The following DOCK4 variants were observed in gnomAD, a reference collection of about 807,000 sequenced individuals.
DOCK4 encodes dedicator of cytokinesis protein 4.
DOCK4 carries 97 observed loss-of-function variants against 268.1 expected under a neutral mutation model. The ratio of observed to expected loss-of-function variants is 0.36; its 90% CI spans 0.31 to 0.43. DOCK4 has a LOEUF of 0.43. Ranked by LOEUF, DOCK4 falls within the 20% of genes least tolerant of loss-of-function variation. The probability of loss-of-function intolerance (pLI) is 1.00; values close to 1 mark genes in which losing one functional copy is unlikely to be tolerated. For synonymous variants in DOCK4, 954 were observed against 887.2 expected, an observed-to-expected ratio of 1.08 and a Z score of -1.34; for missense variants, 2,145 against 2,455.7, an observed-to-expected ratio of 0.87 and a Z score of 2.67.
At chr7:111,906,343 G>A (rs1289076682) in intron 13 of DOCK4, among the ~76,000 whole-genome samples, 8 of 152,128 alleles carry the variant, frequency 5.3e-5, no homozygotes, top group Non-Finnish European at 1.2e-4. Context: ...GAAGGAAGAG[G>A]TAGACAATAG....
chr7:112,102,501 G>C (rs1414020384), intron 1 of DOCK4, among the ~76,000 whole-genome samples: 1 of 152,194 alleles, frequency 6.6e-6, no homozygotes, highest in Admixed American at 6.5e-5. Flanking sequence ...ATAGTATTAT[G>C]AGGTGGGGCC....
intron 1 of DOCK4, among the ~76,000 whole-genome samples, chr7:112,142,890 A>G (rs1274181527): frequency 1.3e-5 from 2 of 152,060 alleles, no homozygotes; most frequent in Non-Finnish European, 2.9e-5. Context: ...TATTTTTACT[A>G]TTGCATAGCA....
At chr7:112,109,473 A>G (rs541919578) in intron 1 of DOCK4, among the ~76,000 whole-genome samples, 1 of 152,328 alleles carries the variant, frequency 6.6e-6, no homozygotes, top group Non-Finnish European at 1.5e-5. Context: ...AAAATGCTCT[A>G]TAAAGCAGGC....
chr7:111,782,962 CTTCCTAGGGGCAAACACAG>C, intron 34 of DOCK4, 38 bp from the exon 35 acceptor site: 1 of 1,555,750 alleles, frequency 6.4e-7, no homozygotes, highest in Non-Finnish European at 8.8e-7. Flanking sequence ...TCAGAACTTC[CTTCCTAGGGGCAAACACAG>C]TTTGTTCTTT....
chr7:111,790,886 A>G (rs1285342986), intron 30 of DOCK4, among the ~76,000 whole-genome samples: 7 of 151,048 alleles, frequency 4.6e-5, no homozygotes, highest in Non-Finnish European at 7.4e-5. Flanking sequence ...GTGAAACCCC[A>G]TCTCTACTAA....
chr7:111,786,634 G>C (rs1319932455), intron 32 of DOCK4, among the ~76,000 whole-genome samples: 9 of 152,150 alleles, frequency 5.9e-5, no homozygotes, highest in Non-Finnish European at 1.3e-4. Flanking sequence ...AGGAAGCAGT[G>C]AACTACTTAC....
intron 22 of DOCK4, among the ~76,000 whole-genome samples, chr7:111,864,179 G>C (rs551297345): frequency 2.0e-5 from 3 of 151,812 alleles, no homozygotes; most frequent in African/African-American, 7.3e-5. Flanking sequence ...GAACCCTCTG[G>C]GTTGCTTCAA....
At chr7:111,870,167 G>A (rs1806292412) in intron 20 of DOCK4, among the ~76,000 whole-genome samples, 1 of 152,120 alleles carries the variant, frequency 6.6e-6, no homozygotes, top group African/African-American at 2.4e-5. Context: ...CCTGGCTTAT[G>A]TCAATATGTG....
At chr7:112,172,190 C>T (rs1055987670) in intron 1 of DOCK4, among the ~76,000 whole-genome samples, 11 of 152,148 alleles carry the variant, frequency 7.2e-5, no homozygotes, top group Admixed American at 1.3e-4. Flanking sequence ...TATTCCAGTA[C>T]GTTTCCTGTG....
At chr7:111,923,231 T>C (rs1793308265) in intron 12 of DOCK4, among the ~76,000 whole-genome samples, 1 of 152,186 alleles carries the variant, frequency 6.6e-6, no homozygotes, top group Non-Finnish European at 1.5e-5. Flanking sequence ...AAATAGTATA[T>C]GCTATTTTAT....
At chr7:112,007,077 TAGA>T (rs1429736511) in intron 1 of DOCK4, among the ~76,000 whole-genome samples, 2 of 152,202 alleles carry the variant, frequency 1.3e-5, no homozygotes, top group African/African-American at 4.8e-5. Flanking sequence ...GTTAGGACAT[TAGA>T]AGATTTCCTG....
chr7:112,200,733 A>AAAAAAAT (rs1554478911), intron 1 of DOCK4, among the ~76,000 whole-genome samples: 1 of 117,760 alleles, frequency 8.5e-6, no homozygotes, highest in African/African-American at 4.0e-5. Flanking sequence ...AATAAAAAAA[A>AAAAAAAT]AAAAACAAAA....
intron 8 of DOCK4, among the ~76,000 whole-genome samples, chr7:111,975,726 T>C (rs543723189): frequency 6.6e-6 from 1 of 152,142 alleles, no homozygotes; most frequent in Non-Finnish European, 1.5e-5. Flanking sequence ...AAAGTACACT[T>C]ACTAGTAGAT....
At chr7:112,022,297 A>G (rs1178745894) in intron 1 of DOCK4, among the ~76,000 whole-genome samples, 3 of 152,224 alleles carry the variant, frequency 2.0e-5, no homozygotes, top group Non-Finnish European at 4.4e-5. Context: ...AACTCTCTGC[A>G]GTAGGTATTC....
chr7:112,122,205 A>G (rs930383796), intron 1 of DOCK4, among the ~76,000 whole-genome samples: 1 of 152,142 alleles, frequency 6.6e-6, no homozygotes. Flanking sequence ...AAAATTTACC[A>G]TCTTAGTCAT....
Position 111,728,675 on chromosome 7 carries a change from G to A in DOCK4, c.5527C>T (p.Pro1843Ser), listed in dbSNP as rs758638945. The A allele has an allele frequency of 1.2e-4, 201 of 1,613,748 alleles. No homozygotes were observed. The highest frequency in any genetic ancestry group is 9.3e-6 in the Non-Finnish European group (11 of 1,179,870). Residue 1843 changes from proline to serine, a missense_variant, in exon 53 of 53, where the codon CCA becomes TCA. This residue lies in a region of DOCK4 where 547 missense variants were observed against 469.0 expected (regional missense o/e 1.17). Coordinates refer to ENST00000428084, the MANE Select transcript of DOCK4 (RefSeq NM_001363540.2). ...ACAGGGGAGTTGGAGATGAGTCCTG[G>A]CGAGTGGTACTCCACTGGAGAGGGG... ...FTPSPVEYHS[P>S]GLISNSPVLS...
intron 1 of DOCK4, among the ~76,000 whole-genome samples, chr7:112,083,486 T>C (rs1234821894): frequency 6.6e-6 from 1 of 152,066 alleles, no homozygotes; most frequent in Non-Finnish European, 1.5e-5. Context: ...CATGTTGAGC[T>C]TAACCCCTCA....
rs1326383342 is a variant in DOCK4 at position 111,877,330 on chromosome 7, C to CA, written c.1588-145dup. 10 of 715,604 alleles carry CA rather than the reference C, an allele frequency of 1.4e-5. No homozygotes were observed. In the East Asian group the frequency reaches 2.4e-4, roughly 17 times the overall value. The allele number at this position is 715,604 out of a possible 1,614,324, so 44.3% of individuals were successfully genotyped here. A position where few individuals can be genotyped will look rare whatever the true frequency, so the allele number is the denominator to read the frequency against. ...TAGAATTTGGTTTTTAAATAAAATG[C>CA]AAAAAAACTGTATAAAATAATTAAG... On this transcript the variant is annotated intron_variant, in intron 16 of 52. Transcript: ENST00000428084.
intron 16 of DOCK4, among the ~76,000 whole-genome samples, chr7:111,894,763 G>C (rs1808597666): frequency 6.6e-6 from 1 of 152,204 alleles, no homozygotes; most frequent in African/African-American, 2.4e-5. Flanking sequence ...GGAGGTAGAA[G>C]GCTGGCATGC....
Sources: gnomAD v4.1 joint callset for allele counts (sites outside exome capture counted in the v4.1 genomes callset) on GRCh38, gnomAD v4.1.1 for gene constraint, gnomAD v4.1.1 regional missense constraint, MANE v1.5 for transcripts, NCBI Gene and HGNC (gene_info 2026-07-23, HGNC 2026-07-21) for gene names.